The following GABBR2 variants were observed in gnomAD, a reference collection of about 807,000 sequenced individuals.
The protein encoded by GABBR2 is gamma-aminobutyric acid type B receptor subunit 2, also known as G-protein coupled receptor 51.
A neutral mutation model predicts 105.6 loss-of-function variants in GABBR2; 23 were observed. The observed-to-expected ratio is 0.22, with a 90% CI of 0.16 to 0.31. The LOEUF (loss-of-function observed/expected upper bound fraction) is 0.31. Ranked by LOEUF, GABBR2 falls within the 10% of genes least tolerant of loss-of-function variation. The pLI, the probability that GABBR2 is intolerant of heterozygous loss-of-function variation, is 1.00. For missense variants in GABBR2, 734 were observed against 1,245.5 expected, an observed-to-expected ratio of 0.59 and a Z score of 6.18; for synonymous variants, 478 against 499.7, an observed-to-expected ratio of 0.96 and a Z score of 0.58.
Position 98,508,765 on chromosome 9 carries a change from G to A in GABBR2, c.631-12251C>T, listed in dbSNP as rs1016373469. On this transcript the variant is annotated intron_variant, in intron 3 of 18. Transcript: ENST00000259455. ...AGTTGTTTGATTAGGTAAACAAAGC[G>A]GCAGGAAACTCCAACTGGGTGGAGC... Among the ~76,000 whole-genome samples the A allele has an allele frequency of 8.2e-4, 91 of 110,758 alleles. 1 individual carries two copies. The highest frequency in any genetic ancestry group is 5.0e-3 in the Admixed American group (56 of 11,124). The allele number at this position is 110,758 out of a possible 152,430, so 72.7% of individuals were successfully genotyped here. A position where few individuals can be genotyped will look rare whatever the true frequency, so the allele number is the denominator to read the frequency against.
At chr9:98,435,818 C>G (rs902861973) in intron 7 of GABBR2, among the ~76,000 whole-genome samples, 2 of 152,186 alleles carry the variant, frequency 1.3e-5, no homozygotes, top group Non-Finnish European at 1.5e-5. Context: ...CTCAGGGAAG[C>G]CTTTACTGAT....
intron 7 of GABBR2, among the ~76,000 whole-genome samples, chr9:98,449,131 T>C (rs1243618051): frequency 2.0e-5 from 3 of 152,214 alleles, no homozygotes; most frequent in Non-Finnish European, 4.4e-5. Flanking sequence ...TATTGCATCC[T>C]TGCTCCCACC....
chr9:98,364,601 A>ATTTTTTTTTTTT (rs61391834), intron 12 of GABBR2, among the ~76,000 whole-genome samples: 19 of 135,184 alleles, frequency 1.4e-4, no homozygotes, highest in East Asian at 6.3e-4. Context: ...GAGGAAGTGG[A>ATTTTTTTTTTTT]TTTTTTTTTT....
At chr9:98,576,865 C>G (rs1367800424) in intron 2 of GABBR2, among the ~76,000 whole-genome samples, 1 of 151,650 alleles carries the variant, frequency 6.6e-6, no homozygotes, top group Non-Finnish European at 1.5e-5. Context: ...AGTGTGCCTA[C>G]CAAAATCCAG....
At chr9:98,707,097 G>C (rs1394982668) in intron 1 of GABBR2, 1 of 152,252 alleles carries the variant, frequency 6.6e-6, no homozygotes, top group African/African-American at 2.4e-5. Context: ...TGGTTCACCG[G>C]TGAAGCGGGG....
chr9:98,607,007 GA>G, intron 1 of GABBR2: 1 of 968,098 alleles, frequency 1.0e-6, no homozygotes, highest in Non-Finnish European at 1.7e-6. Flanking sequence ...TAGCTCAACA[GA>G]AGACCCCTGA....
intron 1 of GABBR2, among the ~76,000 whole-genome samples, chr9:98,601,508 C>T (rs1829335781): frequency 6.6e-6 from 1 of 152,124 alleles, no homozygotes; most frequent in South Asian, 2.1e-4. Flanking sequence ...TGAAGCGAGA[C>T]CCTGTCTCTT....
intron 3 of GABBR2, among the ~76,000 whole-genome samples, chr9:98,508,424 G>C (rs1019693605): frequency 5.3e-5 from 8 of 152,262 alleles, no homozygotes; most frequent in Non-Finnish European, 1.5e-5. Flanking sequence ...GTGCAGGACA[G>C]TGGGTGCAGC....
chr9:98,364,813 C>T lies in GABBR2; in HGVS notation c.1771-1976G>A, dbSNP rs1429977884. Among the ~76,000 whole-genome samples, 4 of 152,114 alleles carry T rather than the reference C, an allele frequency of 2.6e-5. No individual in the cohort carries two copies. In the East Asian group the frequency reaches 7.7e-4, roughly 29 times the overall value. ...ACGGGGTTTCACCATGTTGACCAGG[C>T]TGGTCTTGAACTCCTGACCTCAAGT... On this transcript the variant is annotated intron_variant, in intron 12 of 18. Transcript: ENST00000259455.
At chr9:98,392,185 A>C (rs144859099) in intron 9 of GABBR2, among the ~76,000 whole-genome samples, 4 of 152,160 alleles carry the variant, frequency 2.6e-5, no homozygotes, top group African/African-American at 7.2e-5. Flanking sequence ...GGCATCACCA[A>C]TGAAGACCTG....
chr9:98,308,279 A>G (rs944125587), intron 14 of GABBR2, among the ~76,000 whole-genome samples: 1 of 152,198 alleles, frequency 6.6e-6, no homozygotes, highest in Non-Finnish European at 1.5e-5. Flanking sequence ...GGTTGGCTGT[A>G]AATCTCTAAA....
At chr9:98,616,222 A>G (rs1444731209) in intron 1 of GABBR2, among the ~76,000 whole-genome samples, 2 of 152,216 alleles carry the variant, frequency 1.3e-5, no homozygotes, top group Admixed American at 6.5e-5. Flanking sequence ...TAATTTTCCA[A>G]CATGCTTTTC....
chr9:98,438,339 C>A (rs537521047), intron 7 of GABBR2, among the ~76,000 whole-genome samples: 1 of 152,132 alleles, frequency 6.6e-6, no homozygotes. Flanking sequence ...CATGTCTCCA[C>A]CACTCTACCC....
chr9:98,592,258 G>A (rs561344756), intron 1 of GABBR2, among the ~76,000 whole-genome samples: 1 of 152,320 alleles, frequency 6.6e-6, no homozygotes, highest in African/African-American at 2.4e-5. Flanking sequence ...TACTATGACT[G>A]CCACAGATGA....
chr9:98,610,054 T>C (rs1414877006), intron 1 of GABBR2, among the ~76,000 whole-genome samples: 1 of 152,090 alleles, frequency 6.6e-6, no homozygotes, highest in Non-Finnish European at 1.5e-5. Flanking sequence ...CAAACCAAAC[T>C]CCTGTCCTCC....
chr9:98,372,880 G>A (rs980493379), intron 11 of GABBR2, among the ~76,000 whole-genome samples: 3 of 152,198 alleles, frequency 2.0e-5, no homozygotes, highest in Non-Finnish European at 4.4e-5. Context: ...GTATCACAGC[G>A]CTTGTTCAGA....
rs973233475 is a variant in GABBR2 at position 98,447,155 on chromosome 9, G to A, written c.1236+6826C>T. On this transcript the variant is annotated intron_variant, in intron 7 of 18. Coordinates refer to ENST00000259455, the MANE Select transcript of GABBR2 (RefSeq NM_005458.8). ...CGGCTCACTGCAAGCTCCGCCTCCC[G>A]GGTTCACGCCATTCTCCTGCCTCAG... Among the ~76,000 whole-genome samples, 15 of 140,012 alleles carry A rather than the reference G, an allele frequency of 1.1e-4. 2 individuals are homozygous for A. Among genetic ancestry groups the A allele is most frequent in the Middle Eastern group, 7.1e-3 (2 of 280 alleles). The allele number at this position is 140,012 out of a possible 152,430, so 91.9% of individuals were successfully genotyped here. A position where few individuals can be genotyped will look rare whatever the true frequency, so the allele number is the denominator to read the frequency against.
chr9:98,314,335 G>A (rs1830681201), intron 13 of GABBR2, among the ~76,000 whole-genome samples: 1 of 152,178 alleles, frequency 6.6e-6, no homozygotes, highest in Non-Finnish European at 1.5e-5. Context: ...GCAGAATCTG[G>A]GTTTCTCCAG....
intron 12 of GABBR2, among the ~76,000 whole-genome samples, chr9:98,366,732 A>G (rs1346837677): frequency 6.6e-6 from 1 of 152,226 alleles, no homozygotes; most frequent in Non-Finnish European, 1.5e-5. Context: ...CAGATGCTTC[A>G]TGACAGCTGC....
Sources: gnomAD v4.1 joint callset for allele counts (sites outside exome capture counted in the v4.1 genomes callset) on GRCh38, gnomAD v4.1.1 for gene constraint, MANE v1.5 for transcripts, NCBI Gene and HGNC (gene_info 2026-07-23, HGNC 2026-07-21) for gene names.